Variants in ACSM1 observed in about 807,000 individuals in gnomAD.
The protein encoded by ACSM1 is acyl-CoA synthetase medium chain family member 1.
Under a neutral mutation model 75.8 loss-of-function variants are expected in ACSM1, and 79 were observed. The ratio of observed to expected loss-of-function variants is 1.04; its 90% CI spans 0.87 to 1.26. ACSM1 has a LOEUF of 1.26. ACSM1 is among the 50% of genes most tolerant of loss of function. The probability of loss-of-function intolerance (pLI) is 0.00; values close to 1 mark genes in which losing one functional copy is unlikely to be tolerated. For missense variants in ACSM1, 676 were observed against 720.1 expected, an observed-to-expected ratio of 0.94 and a Z score of 0.70; for synonymous variants, 279 against 265.8, an observed-to-expected ratio of 1.05 and a Z score of -0.48.
chr16:20,629,820 C>T (rs2017225852), intron 10 of ACSM1, among the ~76,000 whole-genome samples: 1 of 151,910 alleles, frequency 6.6e-6, no homozygotes, highest in Non-Finnish European at 1.5e-5. Flanking sequence ...GGTGAAACCC[C>T]GTCTCTGCTA....
intron 10 of ACSM1, among the ~76,000 whole-genome samples, chr16:20,629,693 G>A (rs1298375131): frequency 6.6e-6 from 1 of 152,178 alleles, no homozygotes; most frequent in Non-Finnish European, 1.5e-5. Flanking sequence ...ATTCATTTTA[G>A]ATTTAAAGAC....
chr16:20,681,582 C>T (rs2079446598), intron 4 of ACSM1: 1 of 152,238 alleles, frequency 6.6e-6, no homozygotes, highest in Admixed American at 6.5e-5. Context: ...GCAGTAATAA[C>T]TCAACACACT....
At chr16:20,645,372 T>C (rs907406215) in intron 7 of ACSM1, among the ~76,000 whole-genome samples, 5 of 152,140 alleles carry the variant, frequency 3.3e-5, no homozygotes, top group Admixed American at 2.6e-4. Context: ...ATGGGAAACG[T>C]TCCCCCCAAG....
chr16:20,685,819 CAAA>C (rs71842093), intron 2 of ACSM1, among the ~76,000 whole-genome samples: 1 of 50,190 alleles, frequency 2.0e-5, no homozygotes, highest in South Asian at 8.5e-4. Context: ...GACTCCGTCT[CAAA>C]AAAAAAAAAC....
At chr16:20,683,125 TA>T (rs1475434409) in intron 3 of ACSM1, among the ~76,000 whole-genome samples, 1 of 150,854 alleles carries the variant, frequency 6.6e-6, no homozygotes, top group Non-Finnish European at 1.5e-5. Flanking sequence ...TTTATTTATT[TA>T]TTTTTTTTTA....
At chr16:20,654,538 T>C (rs1205969531) in intron 7 of ACSM1, among the ~76,000 whole-genome samples, 4 of 151,878 alleles carry the variant, frequency 2.6e-5, no homozygotes, top group African/African-American at 9.7e-5. Context: ...TACAAACAAC[T>C]CAAACAAATT....
intron 7 of ACSM1, among the ~76,000 whole-genome samples, chr16:20,642,061 C>T (rs896722915): frequency 2.0e-5 from 3 of 152,142 alleles, no homozygotes; most frequent in Admixed American, 2.0e-4. Flanking sequence ...GTTTCTGGAA[C>T]AAGGGACTAT....
rs533827161 is a variant in ACSM1 at position 20,629,182 on chromosome 16, T to C, written c.1300-1866A>G. Among the ~76,000 whole-genome samples, 81 of 152,178 alleles carry C rather than the reference T, an allele frequency of 5.3e-4. 2 individuals are homozygous for C. The highest frequency in any genetic ancestry group is 1.0e-3 in the Non-Finnish European group (69 of 68,040). ...TTTTTTAAGCCTATAGTTATGGTTATAAATGCCTTCTGTTTATGGCAAGTA... is the reference window on the plus strand; with the variant it reads ...TTTTTTAAGCCTATAGTTATGGTTACAAATGCCTTCTGTTTATGGCAAGTA... On this transcript the variant is annotated intron_variant, in intron 10 of 13. Transcript: ENST00000520010.
chr16:20,639,834 C>T (rs569968940), intron 8 of ACSM1, among the ~76,000 whole-genome samples: 22 of 152,248 alleles, frequency 1.4e-4, no homozygotes, highest in African/African-American at 5.1e-4. Context: ...AAAACAAACC[C>T]CAAAATCACT....
At chr16:20,651,633 T>TAAATA (rs751401796) in intron 7 of ACSM1, among the ~76,000 whole-genome samples, 52 of 151,740 alleles carry the variant, frequency 3.4e-4, no homozygotes, top group Admixed American at 8.6e-4. Flanking sequence ...AAAAAACAAA[T>TAAATA]AAATAAAATA....
chr16:20,686,149 T>TA (rs1485382934), intron 2 of ACSM1, among the ~76,000 whole-genome samples: 3 of 152,128 alleles, frequency 2.0e-5, no homozygotes, highest in African/African-American at 7.2e-5. Context: ...GCTCAATAAA[T>TA]ATTATTATTA....
intron 10 of ACSM1, among the ~76,000 whole-genome samples, chr16:20,632,751 C>T (rs373062055): frequency 6.6e-6 from 1 of 152,156 alleles, no homozygotes; most frequent in Non-Finnish European, 1.5e-5. Flanking sequence ...AACTACAGAC[C>T]AATAACTCTT....
intron 7 of ACSM1, among the ~76,000 whole-genome samples, chr16:20,643,316 T>C (rs552005806): frequency 6.6e-6 from 1 of 152,324 alleles, no homozygotes; most frequent in South Asian, 2.1e-4. Context: ...GCAAGTGAAA[T>C]GGGTCCGATG....
At chr16:20,679,172 C>T (rs1272989773) in intron 4 of ACSM1, 2 of 152,204 alleles carry the variant, frequency 1.3e-5, no homozygotes, top group Admixed American at 1.3e-4. Flanking sequence ...AGGTGTCACA[C>T]CTTGGATTCA....
chr16:20,627,337 C>T (rs2017001474), intron 10 of ACSM1, 21 bp from the exon 11 acceptor site: 1 of 1,553,776 alleles, frequency 6.4e-7, no homozygotes. Context: ...AAGAGAGCTC[C>T]TTTGTTGAAG....
intron 7 of ACSM1, among the ~76,000 whole-genome samples, chr16:20,654,813 G>T (rs2018855746): frequency 6.6e-6 from 1 of 152,208 alleles, no homozygotes; most frequent in Non-Finnish European, 1.5e-5. Context: ...CTGTAAATTA[G>T]TTCAATCATT....
At chr16:20,629,705 C>G (rs114653202) in intron 10 of ACSM1, among the ~76,000 whole-genome samples, 1 of 152,118 alleles carries the variant, frequency 6.6e-6, no homozygotes, top group Non-Finnish European at 1.5e-5. Flanking sequence ...TTTAAAGACA[C>G]GAATTCCACT....
At chr16:20,674,335 A>G (rs2020137297) in intron 4 of ACSM1, among the ~76,000 whole-genome samples, 2 of 152,202 alleles carry the variant, frequency 1.3e-5, no homozygotes, top group African/African-American at 4.8e-5. Context: ...CCCAAGTTGC[A>G]AAACATGTTT....
intron 10 of ACSM1, among the ~76,000 whole-genome samples, chr16:20,635,509 T>C (rs1340677356): frequency 6.6e-6 from 1 of 152,258 alleles, no homozygotes; most frequent in Non-Finnish European, 1.5e-5. Context: ...TATGCAGATA[T>C]ATATCTGTGG....
Sources: allele counts gnomAD v4.1 joint callset (sites outside exome capture counted in the v4.1 genomes callset), GRCh38; gene constraint gnomAD v4.1.1; transcripts MANE v1.5; gene names NCBI Gene and HGNC (gene_info 2026-07-23, HGNC 2026-07-21).